PCTP: variants seen among roughly 807,000 people sequenced by gnomAD.
PCTP encodes START domain-containing protein 2.
PCTP carries 27 observed loss-of-function variants against 31.0 expected under a neutral mutation model. The observed-to-expected ratio is 0.87, with a 90% confidence interval of 0.64 to 1.20. PCTP has a LOEUF of 1.20. PCTP is among the 50% of genes most tolerant of loss of function. PCTP has a pLI of 0.00. For missense variants in PCTP, 287 were observed against 268.2 expected (o/e 1.07, Z -0.49); for synonymous variants, 108 against 101.2 (o/e 1.07, Z -0.40).
chr17:55,849,295 T>C, the PCTP span, among the ~76,000 whole-genome samples: 1 of 152,168 alleles, frequency 6.6e-6, no homozygotes, highest in African/African-American at 2.4e-5. Flanking sequence ...TAGCTCCAGA[T>C]GGTTTTACTG....
intron 1 of PCTP, among the ~76,000 whole-genome samples, chr17:55,766,069 A>G (rs1910630432): frequency 6.6e-6 from 1 of 152,150 alleles, no homozygotes; most frequent in Non-Finnish European, 1.5e-5. Context: ...GGCATCATTT[A>G]TCACACAACT....
chr17:55,769,604 C>T (rs901428908), intron 2 of PCTP: 4 of 152,198 alleles, frequency 2.6e-5, no homozygotes, highest in African/African-American at 9.7e-5. Context: ...GGGTTCTCAT[C>T]CAGTGGAAGC....
At chr17:55,766,507 T>C (rs1251919613) in intron 1 of PCTP, among the ~76,000 whole-genome samples, 12 of 148,974 alleles carry the variant, frequency 8.1e-5, no homozygotes, top group Admixed American at 1.4e-4. Context: ...TGAGAATATG[T>C]GGTGTTTGGT....
At chr17:55,826,494 A>T (rs1310215610), downstream of PCTP, among the ~76,000 whole-genome samples, 1 of 151,268 alleles carries the variant, frequency 6.6e-6, no homozygotes, top group African/African-American at 2.4e-5. Flanking sequence ...AGGTGATCTG[A>T]TCTAAGCCTG....
chr17:55,779,517 G>A (rs1284828406), downstream of PCTP, among the ~76,000 whole-genome samples: 1 of 152,176 alleles, frequency 6.6e-6, no homozygotes, highest in African/African-American at 2.4e-5. Context: ...GCGCTGACAT[G>A]AAGGAGAGGC....
intron 2 of PCTP, among the ~76,000 whole-genome samples, chr17:55,786,509 A>G (rs1052372916): frequency 1.3e-5 from 2 of 152,198 alleles, no homozygotes; most frequent in Non-Finnish European, 2.9e-5. Context: ...TTAAAAAAAA[A>G]GAAAAGTTCT....
At position 55,777,053 on chromosome 17, in the gene PCTP, G is replaced by A. The variant is rs1191534843; in HGVS notation, c.*953G>A. 2 of 985,652 alleles carry A rather than the reference G, an allele frequency of 2.0e-6. No individual in the cohort carries two copies. The highest frequency in any genetic ancestry group is 2.4e-6 in the Non-Finnish European group (2 of 829,918). The allele number at this position is 985,652 out of a possible 1,614,324, so 61.1% of individuals were successfully genotyped here. A position where few individuals can be genotyped will look rare whatever the true frequency, so the allele number is the denominator to read the frequency against. On this transcript the variant is annotated 3_prime_UTR_variant, in exon 6 of 6. Transcript: ENST00000268896. ...CACAGCCAGGTAAAATTTAACTGGT[G>A]GCTTAATGACTCTGCACCTTTTTCT...
At position 55,776,029 on chromosome 17, in the gene PCTP, T is replaced by A; in HGVS notation, c.580-6T>A. The stretch of plus-strand genomic sequence containing the variant: ...CATAGAAATGACAGTCTCATTTCCT[T>A]TGCAGAATGGAGTTCCTAACTTCTT... On this transcript the variant is annotated splice_region_variant and splice_polypyrimidine_tract_variant and intron_variant, in intron 5 of 5. Transcript: ENST00000268896. 3 of 1,613,878 alleles carry A rather than the reference T, an allele frequency of 1.9e-6. No individual in the cohort carries two copies. The highest frequency in any genetic ancestry group is 2.5e-6 in the Non-Finnish European group (3 of 1,179,930).
intron 3 of PCTP, among the ~76,000 whole-genome samples, chr17:55,773,119 G>T (rs945234227): frequency 6.6e-6 from 1 of 152,202 alleles, no homozygotes; most frequent in East Asian, 1.9e-4. Flanking sequence ...ACTAGTGTTA[G>T]CCCAGAGAGG....
chr17:55,794,452 GT>G (rs746733092), intron 3 of PCTP, among the ~76,000 whole-genome samples: 1 of 149,620 alleles, frequency 6.7e-6, no homozygotes, highest in African/African-American at 2.5e-5. Flanking sequence ...GCATTTGGGT[GT>G]TTTTTTTTAA....
downstream of PCTP, among the ~76,000 whole-genome samples, chr17:55,845,312 C>G (rs112417110): frequency 9.7e-3 from 1,471 of 152,060 alleles, 23 homozygotes; most frequent in African/African-American, 0.034. Flanking sequence ...AACGGAACGT[C>G]CCTAATAATT....
the PCTP span, among the ~76,000 whole-genome samples, chr17:55,850,654 T>C: frequency 2.6e-4 from 39 of 152,334 alleles, no homozygotes; most frequent in Non-Finnish European, 1.5e-5. Flanking sequence ...ATGATGATTC[T>C]GTCATATACT....
chr17:55,839,919 CAAAAAAAAAA>C (rs57402824), intron 5 of PCTP, among the ~76,000 whole-genome samples: 15 of 12,500 alleles, frequency 1.2e-3, no homozygotes, highest in Admixed American at 4.1e-3. Context: ...GACTCAGTCT[CAAAAAAAAAA>C]AAAAAAAAAA....
intron 1 of PCTP, among the ~76,000 whole-genome samples, chr17:55,756,622 G>C (rs1352145407): frequency 6.6e-6 from 1 of 152,076 alleles, no homozygotes. Flanking sequence ...CCTTCACATA[G>C]GGGTTAATTA....
intron 5 of PCTP, among the ~76,000 whole-genome samples, chr17:55,829,689 A>AACACAC (rs3083340): frequency 0.021 from 3,126 of 146,210 alleles, 31 homozygotes; most frequent in Non-Finnish European, 0.032. Context: ...TAATAATTTA[A>AACACAC]ACACACACAC....
chr17:55,783,162 C>G (rs550811475), intron 2 of PCTP, among the ~76,000 whole-genome samples: 1 of 152,154 alleles, frequency 6.6e-6, no homozygotes, highest in East Asian at 1.9e-4. Flanking sequence ...TTTTTTAAAG[C>G]TAGAATTGCT....
intron 3 of PCTP, among the ~76,000 whole-genome samples, chr17:55,793,538 C>G (rs1912078634): frequency 6.6e-6 from 1 of 152,104 alleles, no homozygotes; most frequent in Admixed American, 6.6e-5. Context: ...GATTCTCCTA[C>G]TACAACTCTT....
chr17:55,756,501 G>T lies in PCTP; in HGVS notation c.141+5257G>T, dbSNP rs76040708. Among the ~76,000 whole-genome samples, 670 of 152,212 alleles carry T rather than the reference G, an allele frequency of 4.4e-3. 7 individuals carry two copies. The highest frequency in any genetic ancestry group is 0.015 in the African/African-American group (631 of 41,520). Reference sequence around the variant, plus strand: ...TCTGAGAGTGTTTCTCAAAGTTCAAGCACATTGGAATCACTCGAGACAGCT... The same window carrying T: ...TCTGAGAGTGTTTCTCAAAGTTCAATCACATTGGAATCACTCGAGACAGCT... On this transcript the variant is annotated intron_variant, in intron 1 of 5. Coordinates refer to ENST00000268896, the MANE Select transcript of PCTP (RefSeq NM_021213.4).
At chr17:55,789,428 G>A (rs1216931743) in intron 3 of PCTP, among the ~76,000 whole-genome samples, 1 of 152,168 alleles carries the variant, frequency 6.6e-6, no homozygotes. Context: ...TCCTGACTAA[G>A]TGATCAGTAA....
Sources: allele counts gnomAD v4.1 joint callset (sites outside exome capture counted in the v4.1 genomes callset), GRCh38; gene constraint gnomAD v4.1.1; transcripts MANE v1.5; gene names NCBI Gene and HGNC (gene_info 2026-07-23, HGNC 2026-07-21).